The following SYN3 variants were observed in gnomAD, a reference collection of about 807,000 sequenced individuals.
SYN3 encodes the protein synapsin III.
Under a neutral mutation model 65.8 loss-of-function variants are expected in SYN3, and 35 were observed. The ratio of observed to expected loss-of-function variants is 0.53; its 90% CI spans 0.41 to 0.70. SYN3 has a LOEUF of 0.70. Among genes scored for constraint, SYN3 ranks in the 30% least tolerant of loss-of-function variants. SYN3 has a pLI of 0.00. For synonymous variants in SYN3, 270 were observed against 292.9 expected (o/e 0.92, Z 0.80); for missense variants, 680 against 749.0 (o/e 0.91, Z 1.08).
At chr22:32,996,754 T>C (rs1335208254) in intron 2 of SYN3, among the ~76,000 whole-genome samples, 1 of 152,214 alleles carries the variant, frequency 6.6e-6, no homozygotes, top group Non-Finnish European at 1.5e-5. Flanking sequence ...AAGGTCCAAT[T>C]TGCAAACCTG....
chr22:32,941,317 G>A (rs1319648190), intron 3 of SYN3, among the ~76,000 whole-genome samples: 1 of 152,114 alleles, frequency 6.6e-6, no homozygotes, highest in Admixed American at 6.5e-5. Context: ...GCTTTATAAC[G>A]AACTTTCACA....
chr22:32,736,547 C>T (rs2061338574), intron 6 of SYN3, among the ~76,000 whole-genome samples: 1 of 151,888 alleles, frequency 6.6e-6, no homozygotes, highest in Non-Finnish European at 1.5e-5. Flanking sequence ...TCTCTGGGTC[C>T]CCACAATGAT....
chr22:32,544,493 G>A (rs917302692), intron 7 of SYN3, among the ~76,000 whole-genome samples: 1 of 152,140 alleles, frequency 6.6e-6, no homozygotes, highest in Admixed American at 6.5e-5. Flanking sequence ...ATTTGGCCAA[G>A]GTCCCTTTTA....
intron 4 of SYN3, among the ~76,000 whole-genome samples, chr22:32,925,970 G>A (rs2050459480): frequency 6.7e-6 from 1 of 148,356 alleles, no homozygotes; most frequent in Non-Finnish European, 1.5e-5. Context: ...TCATGCCTCA[G>A]CCACTCAAAT....
chr22:32,520,105 T>G (rs1165286587), intron 12 of SYN3, among the ~76,000 whole-genome samples: 1 of 152,134 alleles, frequency 6.6e-6, no homozygotes, highest in African/African-American at 2.4e-5. Context: ...GAACATAATT[T>G]TAATAGTGTG....
At chr22:32,921,102 G>A (rs1601699090) in intron 4 of SYN3, among the ~76,000 whole-genome samples, 1 of 151,982 alleles carries the variant, frequency 6.6e-6, no homozygotes. Flanking sequence ...TCCTCCATAA[G>A]TTGCCCCTTC....
intron 6 of SYN3, among the ~76,000 whole-genome samples, chr22:32,746,705 T>C (rs2015294884): frequency 6.6e-6 from 1 of 152,192 alleles, no homozygotes; most frequent in Non-Finnish European, 1.5e-5. Flanking sequence ...GATGACTGTT[T>C]CCTAACTGGA....
chr22:32,612,024 G>A (rs979167282), intron 6 of SYN3, among the ~76,000 whole-genome samples: 3 of 151,844 alleles, frequency 2.0e-5, no homozygotes, highest in Non-Finnish European at 2.9e-5. Context: ...GAGAGCTTCC[G>A]GGTTGCTGAA....
chr22:32,852,369 T>C (rs2048244055), intron 6 of SYN3, among the ~76,000 whole-genome samples: 2 of 152,008 alleles, frequency 1.3e-5, no homozygotes, highest in South Asian at 4.2e-4. Flanking sequence ...TCAGTTTGGG[T>C]TTGTTGGTTT....
chr22:33,041,425 G>A (rs2053962863), intron 1 of SYN3, among the ~76,000 whole-genome samples: 1 of 151,692 alleles, frequency 6.6e-6, no homozygotes, highest in African/African-American at 2.4e-5. Flanking sequence ...CGAGCAGCTG[G>A]GACTACAGCT....
chr22:32,996,991 G>T (rs1042953990), intron 2 of SYN3, among the ~76,000 whole-genome samples: 1 of 152,210 alleles, frequency 6.6e-6, no homozygotes, highest in Non-Finnish European at 1.5e-5. Context: ...GTGCCGGGGT[G>T]TGAGGCCCCA....
chr22:32,736,183 A>T (rs1736014440), intron 6 of SYN3, among the ~76,000 whole-genome samples: 1 of 152,266 alleles, frequency 6.6e-6, no homozygotes, highest in Non-Finnish European at 1.5e-5. Context: ...TAATGGATAC[A>T]CATATGGGAC....
chr22:32,844,481 C>T (rs1422921616), intron 6 of SYN3, among the ~76,000 whole-genome samples: 2 of 152,164 alleles, frequency 1.3e-5, no homozygotes, highest in African/African-American at 4.8e-5. Flanking sequence ...CTCTTACTAG[C>T]ACTCTTGCCC....
intron 2 of SYN3, among the ~76,000 whole-genome samples, chr22:33,001,568 A>T (rs2053059698): frequency 6.6e-6 from 1 of 152,226 alleles, no homozygotes; most frequent in South Asian, 2.1e-4. Context: ...GCATGAAGAA[A>T]TTAAACAGGC....
chr22:32,886,854 C>T (rs1299727584), intron 4 of SYN3, among the ~76,000 whole-genome samples: 2 of 152,194 alleles, frequency 1.3e-5, no homozygotes, highest in African/African-American at 2.4e-5. Flanking sequence ...TGCATAGTTA[C>T]GTGCTGCCAA....
At chr22:32,863,806 C>T (rs1239628987) in intron 6 of SYN3, among the ~76,000 whole-genome samples, 1 of 152,096 alleles carries the variant, frequency 6.6e-6, no homozygotes, top group African/African-American at 2.4e-5. Flanking sequence ...TTCCTGAGAC[C>T]TAGTGTGTAG....
rs914624873 is a variant in SYN3, at chr22:32,676,285, G to A, written c.712-79549C>T. ...GGGCTGGAAGCCAGTCATCTCATCAGGGAAGGGCCTGGGTATTTGGAAGGA... is the reference window on the plus strand; with the variant it reads ...GGGCTGGAAGCCAGTCATCTCATCAAGGAAGGGCCTGGGTATTTGGAAGGA... On this transcript the variant is annotated intron_variant, in intron 6 of 13. Coordinates refer to ENST00000358763, the MANE Select transcript of SYN3 (RefSeq NM_003490.4). Among the ~76,000 whole-genome samples the A allele has an allele frequency of 2.9e-4, 44 of 152,254 alleles. No homozygotes were observed. In the East Asian group the frequency reaches 7.5e-3, roughly 26 times the overall value.
At chr22:32,531,317 G>A (rs952609316) in intron 10 of SYN3, among the ~76,000 whole-genome samples, 1 of 151,934 alleles carries the variant, frequency 6.6e-6, no homozygotes, top group Admixed American at 6.6e-5. Context: ...GGAGTCTGCC[G>A]CGAAGGTACA....
intron 6 of SYN3, among the ~76,000 whole-genome samples, chr22:32,717,376 C>T (rs2061053235): frequency 6.6e-6 from 1 of 152,182 alleles, no homozygotes; most frequent in Non-Finnish European, 1.5e-5. Context: ...TCTGACATCA[C>T]CAATCTCTCC....
Sources: gnomAD v4.1 joint callset for allele counts (sites outside exome capture counted in the v4.1 genomes callset) on GRCh38, gnomAD v4.1.1 for gene constraint, MANE v1.5 for transcripts, NCBI Gene and HGNC (gene_info 2026-07-23, HGNC 2026-07-21) for gene names.